Variants in PRIM2 observed in about 807,000 individuals in gnomAD.
The protein encoded by PRIM2 is DNA primase subunit 2.
Under a neutral mutation model 67.3 loss-of-function variants are expected in PRIM2, and 39 were observed. That is an observed-to-expected ratio of 0.58 (90% CI 0.45 to 0.76). The LOEUF is 0.76. Ranked by LOEUF, PRIM2 falls within the 30% of genes least tolerant of loss-of-function variation. The pLI is 0.00. For missense variants in PRIM2, 398 were observed against 598.7 expected, an observed-to-expected ratio of 0.66 and a Z score of 3.50; for synonymous variants, 143 against 198.7, an observed-to-expected ratio of 0.72 and a Z score of 2.36.
At chr6:57,481,499 T>C (rs1373372124) in intron 7 of PRIM2, among the ~76,000 whole-genome samples, 3 of 152,296 alleles carry the variant, frequency 2.0e-5, no homozygotes, top group Non-Finnish European at 4.4e-5. Flanking sequence ...TTGAAGGGCA[T>C]TGAATTATTT....
At chr6:57,379,603 T>A (rs796877399) in intron 5 of PRIM2, among the ~76,000 whole-genome samples, 1 of 152,196 alleles carries the variant, frequency 6.6e-6, no homozygotes. Context: ...GTTTTTATGA[T>A]AAGTTTTTTC....
chr6:57,414,591 T>G (rs1771198794), intron 7 of PRIM2, among the ~76,000 whole-genome samples: 1 of 152,144 alleles, frequency 6.6e-6, no homozygotes, highest in Non-Finnish European at 1.5e-5. Context: ...ATTCCATATA[T>G]GAATCTTTTG....
chr6:57,301,316 C>T, the PRIM2 span, among the ~76,000 whole-genome samples: 1 of 151,984 alleles, frequency 6.6e-6, no homozygotes, highest in Non-Finnish European at 1.5e-5. Context: ...GGAGAAACCC[C>T]ATCTCTATTA....
intron 7 of PRIM2, among the ~76,000 whole-genome samples, chr6:57,445,318 G>A (rs1176606548): frequency 2.0e-5 from 3 of 152,106 alleles, no homozygotes; most frequent in Non-Finnish European, 4.4e-5. Flanking sequence ...GTGTGTGTGT[G>A]TATATGAGTA....
chr6:57,227,641 C>CAAAAAAA, the PRIM2 span, among the ~76,000 whole-genome samples: 5 of 84,038 alleles, frequency 5.9e-5, no homozygotes, highest in South Asian at 4.7e-4. Context: ...GAGACCATCT[C>CAAAAAAA]AAAAAAAAAA....
chr6:57,615,863 C>G (rs1776747558), intron 12 of PRIM2, among the ~76,000 whole-genome samples: 1 of 152,112 alleles, frequency 6.6e-6, no homozygotes, highest in East Asian at 1.9e-4. Flanking sequence ...GTACTCCATC[C>G]TGGAAGATAC....
the PRIM2 span, among the ~76,000 whole-genome samples, chr6:57,252,067 T>C: frequency 6.6e-6 from 1 of 152,248 alleles, no homozygotes; most frequent in Admixed American, 6.5e-5. Context: ...GACCATGTCT[T>C]ATTTGCCCTT....
chr6:57,322,136 T>C (rs1767681244), intron 3 of PRIM2, among the ~76,000 whole-genome samples: 1 of 152,016 alleles, frequency 6.6e-6, no homozygotes, highest in South Asian at 2.1e-4. Context: ...GGGCAGAATA[T>C]AGGGGTTGTT....
chr6:57,590,485 G>A (rs1477025288), intron 10 of PRIM2, among the ~76,000 whole-genome samples: 1 of 152,186 alleles, frequency 6.6e-6, no homozygotes, highest in Non-Finnish European at 1.5e-5. Flanking sequence ...AGAGAGCAGG[G>A]ATGGGGGTCA....
At chr6:57,594,523 A>G (rs1776333625) in intron 10 of PRIM2, among the ~76,000 whole-genome samples, 1 of 152,240 alleles carries the variant, frequency 6.6e-6, no homozygotes, top group Non-Finnish European at 1.5e-5. Context: ...AGACCTACAC[A>G]TATGTGGTCA....
chr6:57,492,341 G>T (rs1233641467), intron 7 of PRIM2, among the ~76,000 whole-genome samples: 6 of 152,102 alleles, frequency 3.9e-5, no homozygotes, highest in Admixed American at 3.9e-4. Flanking sequence ...TCAGGAGTTT[G>T]AGACCAGCCT....
chr6:57,280,678 C>A, the PRIM2 span, among the ~76,000 whole-genome samples: 5 of 151,976 alleles, frequency 3.3e-5, no homozygotes, highest in African/African-American at 1.2e-4. Flanking sequence ...CCTGGCTAAT[C>A]TTTGTAGTTT....
Position 57,368,222 on chromosome 6 carries a change from G to A in PRIM2, c.460-11679G>A, listed in dbSNP as rs149538806. ...TATCATACATTTATTTTAGAAAAGCGGATTCTTTTCCTGGGATATGCTGTT... is the reference window on the plus strand; with the variant it reads ...TATCATACATTTATTTTAGAAAAGCAGATTCTTTTCCTGGGATATGCTGTT... On this transcript the variant is annotated intron_variant, in intron 5 of 13. Coordinates refer to ENST00000615550, the MANE Select transcript of PRIM2 (RefSeq NM_000947.5). Among the ~76,000 whole-genome samples, 439 of 151,306 alleles carry A rather than the reference G, an allele frequency of 2.9e-3. 1 individual carries two copies. Among genetic ancestry groups the A allele is most frequent in the African/African-American group, 0.01 (423 of 41,218 alleles).
At chr6:57,276,652 G>C in the PRIM2 span, among the ~76,000 whole-genome samples, 1 of 151,930 alleles carries the variant, frequency 6.6e-6, no homozygotes, top group Non-Finnish European at 1.5e-5. Context: ...TGATATATTT[G>C]GGAGGCCAAA....
At chr6:57,373,164 G>A (rs1161839697) in intron 5 of PRIM2, among the ~76,000 whole-genome samples, 2 of 151,822 alleles carry the variant, frequency 1.3e-5, no homozygotes, top group Admixed American at 6.6e-5. Flanking sequence ...TCTGACTGGT[G>A]TGAGATGGTA....
chr6:57,622,766 G>T (rs1380235986), intron 12 of PRIM2, among the ~76,000 whole-genome samples: 1 of 151,920 alleles, frequency 6.6e-6, no homozygotes, highest in Non-Finnish European at 1.5e-5. Flanking sequence ...TTGAGAGGTT[G>T]GTTAACCTCT....
intron 7 of PRIM2, among the ~76,000 whole-genome samples, chr6:57,495,290 CAGTT>C (rs1773978621): frequency 6.6e-6 from 1 of 152,124 alleles, no homozygotes; most frequent in East Asian, 1.9e-4. Flanking sequence ...CTGATTATTT[CAGTT>C]AGATAAATAA....
chr6:57,419,784 A>C (rs1398799389), intron 7 of PRIM2, among the ~76,000 whole-genome samples: 1 of 152,168 alleles, frequency 6.6e-6, no homozygotes, highest in African/African-American at 2.4e-5. Flanking sequence ...TTTTTTAATA[A>C]ATAAAATGTC....
chr6:57,597,917 A>G (rs2127490568), intron 10 of PRIM2, among the ~76,000 whole-genome samples: 1 of 152,290 alleles, frequency 6.6e-6, no homozygotes, highest in South Asian at 2.1e-4. Context: ...TTTTATTTTT[A>G]TTTCTATCTA....
Sources: allele counts gnomAD v4.1 joint callset (sites outside exome capture counted in the v4.1 genomes callset), GRCh38; gene constraint gnomAD v4.1.1; transcripts MANE v1.5; gene names NCBI Gene and HGNC (gene_info 2026-07-23, HGNC 2026-07-21).